Variants in SCHIP1 observed in about 807,000 individuals in gnomAD.
The protein encoded by SCHIP1 is schwannomin interacting protein 1.
In SCHIP1, 8 loss-of-function variants were observed where a neutral mutation model predicts 29.7. That is an observed-to-expected ratio of 0.27 (90% confidence interval 0.16 to 0.49). SCHIP1 has a LOEUF of 0.49. SCHIP1 is among the 20% of genes least tolerant of loss of function. SCHIP1 has a pLI of 0.99. For synonymous variants in SCHIP1, 76 were observed against 94.9 expected, an observed-to-expected ratio of 0.80 and a Z score of 1.16; for missense variants, 193 against 294.6, an observed-to-expected ratio of 0.66 and a Z score of 2.52.
At chr3:159,884,134 A>T (rs1165548669) in intron 2 of SCHIP1, among the ~76,000 whole-genome samples, 1 of 152,176 alleles carries the variant, frequency 6.6e-6, no homozygotes, top group Non-Finnish European at 1.5e-5. Context: ...GATTCAAATT[A>T]GGGTTTGTCT....
the SCHIP1 span, among the ~76,000 whole-genome samples, chr3:159,418,532 G>A: frequency 6.6e-6 from 1 of 152,128 alleles, no homozygotes; most frequent in South Asian, 2.1e-4. Context: ...AATGTTACAG[G>A]AATTTGATAT....
the SCHIP1 span, among the ~76,000 whole-genome samples, chr3:159,526,873 C>G: frequency 1.3e-5 from 2 of 152,202 alleles, no homozygotes; most frequent in South Asian, 4.1e-4. Flanking sequence ...CACTGCTGCT[C>G]AGTGTAGACT....
At chr3:159,660,674 G>A in the SCHIP1 span, among the ~76,000 whole-genome samples, 5 of 152,166 alleles carry the variant, frequency 3.3e-5, no homozygotes, top group Admixed American at 3.3e-4. Context: ...AAAGAATGAG[G>A]ATTTAAGTGA....
At chr3:159,510,800 A>G in the SCHIP1 span, among the ~76,000 whole-genome samples, 1 of 152,134 alleles carries the variant, frequency 6.6e-6, no homozygotes, top group African/African-American at 2.4e-5. Flanking sequence ...CTGAACAGCT[A>G]ATGTTGCTGG....
chr3:159,575,894 G>GTTATTGA, the SCHIP1 span, among the ~76,000 whole-genome samples: 22 of 151,680 alleles, frequency 1.5e-4, no homozygotes, highest in Non-Finnish European at 2.9e-4. Flanking sequence ...ATATCATTTT[G>GTTATTGA]TTATTGATTT....
chr3:159,784,037 C>T, the SCHIP1 span, among the ~76,000 whole-genome samples: 2 of 152,162 alleles, frequency 1.3e-5, no homozygotes, highest in East Asian at 3.8e-4. Context: ...TAGAGAAACC[C>T]CTGCAGTCCC....
At chr3:159,461,742 G>T in the SCHIP1 span, among the ~76,000 whole-genome samples, 2 of 151,700 alleles carry the variant, frequency 1.3e-5, no homozygotes, top group Non-Finnish European at 2.9e-5. Context: ...GAAACGGAAG[G>T]GGGGTCCTTT....
At chr3:159,888,763 G>A (rs954800954) in intron 4 of SCHIP1, 57 bp from the exon 6 acceptor site, 25 of 1,593,376 alleles carry the variant, frequency 1.6e-5, no homozygotes, top group African/African-American at 2.7e-5. Context: ...GGGTCTTAAC[G>A]TTCAGTGTGT....
chr3:159,300,240 C>G, the SCHIP1 span, among the ~76,000 whole-genome samples: 1 of 148,010 alleles, frequency 6.8e-6, no homozygotes, highest in Non-Finnish European at 1.5e-5. Flanking sequence ...ATCCTCCTAT[C>G]TTAGTCTACC....
At chr3:159,678,545 C>T in the SCHIP1 span, among the ~76,000 whole-genome samples, 1 of 152,130 alleles carries the variant, frequency 6.6e-6, no homozygotes, top group East Asian at 1.9e-4. Context: ...TTACTTATAT[C>T]TAAAACTAAT....
the SCHIP1 span, among the ~76,000 whole-genome samples, chr3:159,811,237 T>C: frequency 6.6e-6 from 1 of 152,250 alleles, no homozygotes; most frequent in Non-Finnish European, 1.5e-5. Flanking sequence ...TCTCCCAGAC[T>C]GTGGCTTGCT....
At chr3:159,556,162 A>G in the SCHIP1 span, among the ~76,000 whole-genome samples, 2 of 152,190 alleles carry the variant, frequency 1.3e-5, no homozygotes, top group African/African-American at 4.8e-5. Flanking sequence ...AAAACACATG[A>G]AAAAATGCTC....
chr3:159,577,026 T>A, the SCHIP1 span, among the ~76,000 whole-genome samples: 6 of 152,314 alleles, frequency 3.9e-5, no homozygotes, highest in Non-Finnish European at 7.3e-5. Flanking sequence ...AAAAGCAGTC[T>A]ATATTTTTTG....
the SCHIP1 span, among the ~76,000 whole-genome samples, chr3:159,677,571 G>A: frequency 1.1e-4 from 16 of 152,276 alleles, no homozygotes; most frequent in African/African-American, 3.9e-4. Flanking sequence ...AGGTTAAGAG[G>A]ACAGATGATT....
the SCHIP1 span, among the ~76,000 whole-genome samples, chr3:159,377,429 G>C: frequency 1.3e-5 from 2 of 152,276 alleles, no homozygotes; most frequent in South Asian, 4.1e-4. Context: ...CAAATGATTT[G>C]TTGTAATCTA....
chr3:159,442,799 G>A, the SCHIP1 span, among the ~76,000 whole-genome samples: 1 of 152,142 alleles, frequency 6.6e-6, no homozygotes, highest in East Asian at 1.9e-4. Flanking sequence ...GGGGATGGAG[G>A]TGAGGAGACA....
the SCHIP1 span, among the ~76,000 whole-genome samples, chr3:159,423,373 C>T: frequency 6.6e-5 from 10 of 152,214 alleles, no homozygotes; most frequent in East Asian, 1.9e-4. Context: ...ACTTTTCCGA[C>T]GGGCTTAAAA....
chr3:159,591,999 A>AG, the SCHIP1 span, among the ~76,000 whole-genome samples: 1 of 149,588 alleles, frequency 6.7e-6, no homozygotes, highest in Non-Finnish European at 1.5e-5. Flanking sequence ...CAAAAAAAAA[A>AG]AAAGAAAGAA....
the SCHIP1 span, among the ~76,000 whole-genome samples, chr3:159,433,246 G>A: frequency 6.6e-6 from 1 of 152,150 alleles, no homozygotes; most frequent in Non-Finnish European, 1.5e-5. Flanking sequence ...TCTTTAGTGG[G>A]AAGCGTCTTT....
Sources: allele counts gnomAD v4.1 joint callset (sites outside exome capture counted in the v4.1 genomes callset), GRCh38; gene constraint gnomAD v4.1.1; transcripts MANE v1.5; gene names NCBI Gene and HGNC (gene_info 2026-07-23, HGNC 2026-07-21).